The following DOCK10 variants were observed in gnomAD, a reference collection of about 807,000 sequenced individuals.
DOCK10 encodes the protein dedicator of cytokinesis 10, also known as dedicator of cytokinesis protein 10.
In DOCK10, 145 loss-of-function variants were observed where a neutral mutation model predicts 280.1. The observed-to-expected ratio is 0.52, with a 90% CI of 0.45 to 0.59. The LOEUF (loss-of-function observed/expected upper bound fraction) is 0.59, where lower values mean the gene tolerates loss of function less well. DOCK10 is among the 20% of genes least tolerant of loss of function. DOCK10 has a pLI of 0.00. For synonymous variants in DOCK10, 915 were observed against 942.2 expected, an observed-to-expected ratio of 0.97 and a Z score of 0.53; for missense variants, 2,368 against 2,651.7, an observed-to-expected ratio of 0.89 and a Z score of 2.35.
chr2:224,795,326 C>T (rs1182675709), intron 44 of DOCK10, among the ~76,000 whole-genome samples: 1 of 152,204 alleles, frequency 6.6e-6, no homozygotes, highest in East Asian at 1.9e-4. Flanking sequence ...ACACCTTCTT[C>T]TGGTGAAACG....
chr2:224,770,493 C>G lies in DOCK10; in HGVS notation c.6305+52G>C. 6.3e-7 allele frequency: 1 copy of G among 1,582,054 alleles called. No homozygotes were observed. Among genetic ancestry groups the G allele is most frequent in the Non-Finnish European group, 8.7e-7 (1 of 1,152,032 alleles). On this transcript the variant is annotated intron_variant, in intron 54 of 55. Coordinates refer to ENST00000258390, the MANE Select transcript of DOCK10 (RefSeq NM_014689.3). This position sits in a 1 kb window ranked among gnomAD's most constrained non-coding sequence, Gnocchi z 4.5. ...TGATGGATTCTTGGGGGATTGAGGA[C>G]TCCCTGTCTCAGGAAGTTCAAGGAA... is the stretch of plus-strand genomic sequence containing the variant.
intron 1 of DOCK10, among the ~76,000 whole-genome samples, chr2:225,031,806 G>C (rs1690085768): frequency 6.6e-6 from 1 of 152,142 alleles, no homozygotes; most frequent in African/African-American, 2.4e-5. Flanking sequence ...TTCTCTTCAG[G>C]ATAAGAAAGA....
intron 26 of DOCK10, among the ~76,000 whole-genome samples, chr2:224,833,850 C>T (rs541517821): frequency 1.3e-5 from 2 of 152,222 alleles, no homozygotes; most frequent in African/African-American, 2.4e-5. Context: ...TGGGGTTTCA[C>T]CATGTTGGCC....
chr2:224,982,802 T>TTC (rs1004534875), intron 1 of DOCK10, among the ~76,000 whole-genome samples: 1 of 151,814 alleles, frequency 6.6e-6, no homozygotes, highest in African/African-American at 2.4e-5. Context: ...AAAATGATTT[T>TTC]TTTTTTTATA....
chr2:224,811,054 C>T (rs1297691550), intron 31 of DOCK10, among the ~76,000 whole-genome samples: 2 of 152,092 alleles, frequency 1.3e-5, no homozygotes, highest in Admixed American at 6.6e-5. Context: ...CCTGAGGAAT[C>T]GCCACACTGA....
chr2:224,852,789 T>A (rs1234456626), intron 17 of DOCK10, 146 bp downstream of exon 17: 1 of 613,076 alleles, frequency 1.6e-6, no homozygotes, highest in African/African-American at 1.8e-5. Context: ...AACTCATCAG[T>A]GCCTCTTACT....
At position 224,866,695 on chromosome 2, in the gene DOCK10, C is replaced by G. The variant is rs183990362; in HGVS notation, c.1258-1608G>C. On this transcript the variant is annotated intron_variant, in intron 11 of 55. Transcript: ENST00000258390. ...ATCATACGGATGAGCTTTCCCTTCT[C>G]TCTTATTTTGATATTAATTAATTAA... 8.9e-4 allele frequency among the ~76,000 whole-genome samples: 135 copies of G among 152,222 alleles called. 2 individuals carry two copies. Among genetic ancestry groups the G allele is most frequent in the Non-Finnish European group, 1.6e-3 (107 of 68,016 alleles).
chr2:224,849,254 G>A (rs947992118), intron 19 of DOCK10, among the ~76,000 whole-genome samples: 8 of 152,200 alleles, frequency 5.3e-5, no homozygotes, highest in African/African-American at 7.2e-5. Context: ...GATTACAGGC[G>A]TGAGCCACTA....
chr2:224,796,873 A>G, intron 43 of DOCK10, 91 bp downstream of exon 43: 2 of 1,203,730 alleles, frequency 1.7e-6, no homozygotes, highest in Non-Finnish European at 2.4e-6. Context: ...GGAGTTAGTG[A>G]CGGCTTGCCC....
chr2:224,770,286 C>G lies in DOCK10; in HGVS notation c.6369G>C (p.Gln2123His). The G allele has an allele frequency of 1.9e-6, 3 of 1,606,876 alleles. No individual in the cohort carries two copies. Among genetic ancestry groups the G allele is most frequent in the Non-Finnish European group, 2.5e-6 (3 of 1,176,638 alleles). Residue 2123 changes from glutamine (Q) to histidine (H), a missense_variant, in exon 55 of 56, where the codon CAG becomes CAC. Physicochemically the swap from Gln to His is conservative, Grantham distance 24. Transcript: ENST00000258390. The surrounding 1 kb of genome is among the most constrained non-coding windows in gnomAD (Gnocchi z 4.5). ...DVNERLIKED[Q>H]LEYQEELRSH... ...ACCTCAGTTCTTCCTGGTACTCCAG[C>G]TGGTCCTCTTTGATGAGGCGCTCAT...
intron 1 of DOCK10, among the ~76,000 whole-genome samples, chr2:224,948,708 A>G (rs760419421): frequency 2.6e-5 from 4 of 152,214 alleles, no homozygotes; most frequent in Non-Finnish European, 4.4e-5. Flanking sequence ...TCAGAAAAAT[A>G]TAAGCACTCA....
At chr2:224,967,341 A>G (rs1050165189) in intron 1 of DOCK10, among the ~76,000 whole-genome samples, 2 of 151,958 alleles carry the variant, frequency 1.3e-5, no homozygotes, top group Non-Finnish European at 2.9e-5. Context: ...CGGCCTCCCA[A>G]AGTGCTGGGA....
At chr2:224,978,775 C>G (rs1705585985) in intron 1 of DOCK10, among the ~76,000 whole-genome samples, 1 of 152,136 alleles carries the variant, frequency 6.6e-6, no homozygotes, top group African/African-American at 2.4e-5. Flanking sequence ...GACATATATG[C>G]AACTTCCTAC....
At chr2:225,004,700 G>C (rs1023029168) in intron 1 of DOCK10, among the ~76,000 whole-genome samples, 2 of 152,334 alleles carry the variant, frequency 1.3e-5, no homozygotes, top group African/African-American at 4.8e-5. Context: ...ATAATTCAGA[G>C]AGCATTTGTT....
At chr2:225,035,656 G>A (rs971541170) in intron 1 of DOCK10, among the ~76,000 whole-genome samples, 1 of 136,426 alleles carries the variant, frequency 7.3e-6, no homozygotes, top group South Asian at 2.2e-4. Context: ...CAAAGAATCA[G>A]TGTTAATTGT....
intron 1 of DOCK10, among the ~76,000 whole-genome samples, chr2:224,946,213 G>C (rs1703410652): frequency 6.6e-6 from 1 of 152,164 alleles, no homozygotes; most frequent in African/African-American, 2.4e-5. Context: ...GTAAAGTTCT[G>C]TAATAAGTAC....
chr2:224,957,283 C>CCA (rs1466224810), intron 1 of DOCK10, among the ~76,000 whole-genome samples: 3 of 91,724 alleles, frequency 3.3e-5, no homozygotes, highest in South Asian at 3.2e-4. Flanking sequence ...TTTTTACTTT[C>CCA]CGCCCCCCCC....
At position 224,765,956 on chromosome 2, in the gene DOCK10, A is replaced by T. The variant is rs568857508; in HGVS notation, c.6445-119T>A. On this transcript the variant is annotated intron_variant, in intron 55 of 55. Coordinates refer to ENST00000258390, the MANE Select transcript of DOCK10 (RefSeq NM_014689.3). ...CCCCACAGGGTAATTTATTCAAATT[A>T]TAAAAAGACACATATTAAAGTGGAT... 4.0e-4 allele frequency: 263 copies of T among 664,402 alleles called. 1 individual carries two copies. Among genetic ancestry groups the T allele is most frequent in the Non-Finnish European group, 5.8e-4 (246 of 425,888 alleles). The allele number at this position is 664,402 out of a possible 1,614,324, so 41.2% of individuals were successfully genotyped here. A position where few individuals can be genotyped will look rare whatever the true frequency, so the allele number is the denominator to read the frequency against.
chr2:224,919,857 C>T (rs1380776883), intron 2 of DOCK10, among the ~76,000 whole-genome samples: 2 of 152,076 alleles, frequency 1.3e-5, no homozygotes, highest in African/African-American at 4.8e-5. Context: ...AATGAATGCT[C>T]GCCCTAAAGC....
Sources: gnomAD v4.1 joint callset for allele counts (sites outside exome capture counted in the v4.1 genomes callset) on GRCh38, gnomAD v4.1.1 for gene constraint, Gnocchi (gnomAD v3.1) non-coding constraint, MANE v1.5 for transcripts, NCBI Gene and HGNC (gene_info 2026-07-23, HGNC 2026-07-21) for gene names.